PTPN4: variants seen among roughly 807,000 people sequenced by gnomAD.
PTPN4 encodes protein tyrosine phosphatase non-receptor type 4.
PTPN4 carries 49 observed loss-of-function variants against 135.5 expected under a neutral mutation model. That is an observed-to-expected ratio of 0.36 (90% CI 0.29 to 0.46). The LOEUF (loss-of-function observed/expected upper bound fraction) is 0.46. PTPN4 is among the 20% of genes least tolerant of loss of function. PTPN4 has a pLI of 1.00. For synonymous variants in PTPN4, 333 were observed against 369.9 expected (o/e 0.90, Z 1.14); for missense variants, 860 against 1,101.0 (o/e 0.78, Z 3.10).
At chr2:119,787,097 G>C (rs922141809) in intron 1 of PTPN4, among the ~76,000 whole-genome samples, 3 of 152,100 alleles carry the variant, frequency 2.0e-5, no homozygotes, top group South Asian at 2.1e-4. Context: ...GGGTGCACAC[G>C]TGTGCATGTG....
At chr2:119,888,554 A>G (rs1260729371) in intron 9 of PTPN4, among the ~76,000 whole-genome samples, 1 of 152,122 alleles carries the variant, frequency 6.6e-6, no homozygotes, top group African/African-American at 2.4e-5. Flanking sequence ...AAGTTTTTCA[A>G]ATGCTTTTAC....
chr2:119,889,415 G>A (rs975398282), intron 9 of PTPN4, among the ~76,000 whole-genome samples: 4 of 151,944 alleles, frequency 2.6e-5, no homozygotes, highest in African/African-American at 9.7e-5. Flanking sequence ...GAGAGACTCT[G>A]TCTCAAAAAG....
At chr2:119,957,639 AATT>A (rs1291187647) in intron 22 of PTPN4, among the ~76,000 whole-genome samples, 1 of 152,100 alleles carries the variant, frequency 6.6e-6, no homozygotes, top group Admixed American at 6.6e-5. Flanking sequence ...TGGAAAAAAA[AATT>A]ACTATTTTTT....
At chr2:119,937,121 G>A (rs953339528) in intron 15 of PTPN4, among the ~76,000 whole-genome samples, 3 of 152,104 alleles carry the variant, frequency 2.0e-5, no homozygotes, top group South Asian at 2.1e-4. Context: ...ACAGAAACTC[G>A]GGCTTTCTGT....
At chr2:119,845,241 AGAGGGGGAGGGG>A (rs1169496236) in intron 2 of PTPN4, among the ~76,000 whole-genome samples, 24 of 28,368 alleles carry the variant, frequency 8.5e-4, no homozygotes, top group African/African-American at 2.7e-3. Flanking sequence ...GGGGAGAGGG[AGAGGGGGAGGGG>A]GAGGGGGAGG....
intron 24 of PTPN4, among the ~76,000 whole-genome samples, chr2:119,962,948 C>T (rs1679389989): frequency 6.6e-6 from 1 of 151,962 alleles, no homozygotes; most frequent in Non-Finnish European, 1.5e-5. Context: ...TCTTTAGTTT[C>T]TATGACTAAA....
chr2:119,918,674 T>A (rs962179897), intron 11 of PTPN4, among the ~76,000 whole-genome samples: 2 of 152,218 alleles, frequency 1.3e-5, no homozygotes, highest in African/African-American at 4.8e-5. Flanking sequence ...TATATTGATC[T>A]ACCCATTTTG....
At chr2:119,847,673 T>C (rs983763243) in intron 2 of PTPN4, among the ~76,000 whole-genome samples, 1 of 152,168 alleles carries the variant, frequency 6.6e-6, no homozygotes, top group Admixed American at 6.5e-5. Context: ...CCAGTGCTCT[T>C]TGGTTTTTCA....
intron 1 of PTPN4, among the ~76,000 whole-genome samples, chr2:119,791,854 A>G (rs745725086): frequency 6.6e-6 from 1 of 151,996 alleles, no homozygotes; most frequent in Non-Finnish European, 1.5e-5. Context: ...GGTAGGTGCC[A>G]TTATTTCTTC....
intron 2 of PTPN4, among the ~76,000 whole-genome samples, chr2:119,833,109 C>T (rs1333721522): frequency 3.3e-5 from 5 of 152,042 alleles, no homozygotes; most frequent in Non-Finnish European, 7.4e-5. Flanking sequence ...TTGCTTCTTT[C>T]ACTTCCTTCA....
At chr2:119,905,902 T>A (rs1678480984) in intron 10 of PTPN4, among the ~76,000 whole-genome samples, 1 of 151,966 alleles carries the variant, frequency 6.6e-6, no homozygotes, top group South Asian at 2.1e-4. Context: ...ATAAAAAAAA[T>A]TATTGAAACA....
At chr2:119,949,494 C>A (rs1679181679) in intron 18 of PTPN4, among the ~76,000 whole-genome samples, 1 of 152,056 alleles carries the variant, frequency 6.6e-6, no homozygotes, top group African/African-American at 2.4e-5. Context: ...TTATGATTCT[C>A]TTTCTGTTTG....
At chr2:119,845,254 G>GAGGGGT (rs1677476355) in intron 2 of PTPN4, among the ~76,000 whole-genome samples, 1 of 81,960 alleles carries the variant, frequency 1.2e-5, no homozygotes, top group South Asian at 5.8e-4. Context: ...GGGGGAGGGG[G>GAGGGGT]AGGGGGAGGG....
At chr2:119,904,026 C>T (rs79446483) in intron 10 of PTPN4, among the ~76,000 whole-genome samples, 5,814 of 152,294 alleles carry the variant, frequency 0.038, 156 homozygotes, top group Middle Eastern at 0.075. Context: ...GTTCCTATGA[C>T]AGCCAATTCA....
Position 119,952,049 on chromosome 2 carries a change from C to CTCA in PTPN4, c.1735_1737dup (p.His579dup), listed in dbSNP as rs1558773105. The CTCA allele has an allele frequency of 6.2e-7, 1 of 1,613,386 alleles. No individual in the cohort carries two copies. Among genetic ancestry groups the CTCA allele is most frequent in the Admixed American group, 1.7e-5 (1 of 60,000 alleles). On this transcript the variant is annotated inframe_insertion, in exon 19 of 27. Coordinates refer to ENST00000263708, the MANE Select transcript of PTPN4 (RefSeq NM_002830.4). Reference sequence around the variant, plus strand: ...AATGGTCGGGACATTGCAGAACACACTCATGATCAGGTTGTGCTGTTTATT... The same window carrying CTCA: ...AATGGTCGGGACATTGCAGAACACACTCATCATGATCAGGTTGTGCTGTTTATT...
chr2:119,759,985 A>C lies in PTPN4; in HGVS notation c.-417A>C. ...CCGCTCCTCGCGCCCCACCACCAAC[A>C]TTGTTCTCTCAGGACTCCTGGGTCC... On this transcript the variant is annotated 5_prime_UTR_variant, in exon 1 of 27. Transcript: ENST00000263708. 2.6e-6 allele frequency: 1 copy of C among 377,892 alleles called. No homozygotes were observed. Among genetic ancestry groups the C allele is most frequent in the Non-Finnish European group, 4.7e-6 (1 of 213,438 alleles). The allele number at this position is 377,892 out of a possible 1,614,324, so 23.4% of individuals were successfully genotyped here. A position where few individuals can be genotyped will look rare whatever the true frequency, so the allele number is the denominator to read the frequency against.
chr2:119,984,564 C>T lies in PTPN4; in HGVS notation c.*7494C>T, dbSNP rs1679738241. Among the ~76,000 whole-genome samples, 1 of 152,158 alleles carries T rather than the reference C, an allele frequency of 6.6e-6. No homozygotes were observed. Among genetic ancestry groups the T allele is most frequent in the African/African-American group, 2.4e-5 (1 of 41,446 alleles). On this transcript the variant is annotated 3_prime_UTR_variant, in exon 27 of 27. Transcript: ENST00000263708. ...TGTATAAGCTTGAATTTGGTCAACA[C>T]TGCATAATTTGAAATCACTCTGCAT...
chr2:119,909,580 G>A (rs1001814443), intron 10 of PTPN4, among the ~76,000 whole-genome samples: 3 of 152,162 alleles, frequency 2.0e-5, no homozygotes, highest in Non-Finnish European at 4.4e-5. Flanking sequence ...ATAGATCAAG[G>A]AGTAATTTTG....
intron 26 of PTPN4, among the ~76,000 whole-genome samples, chr2:119,971,224 G>A (rs1359323005): frequency 2.0e-5 from 3 of 152,136 alleles, no homozygotes; most frequent in South Asian, 2.1e-4. Context: ...CACATGGCCG[G>A]CGGGAGAGAG....
Sources: allele counts gnomAD v4.1 joint callset (sites outside exome capture counted in the v4.1 genomes callset), GRCh38; gene constraint gnomAD v4.1.1; transcripts MANE v1.5; gene names NCBI Gene and HGNC (gene_info 2026-07-23, HGNC 2026-07-21).